The following SCLT1 variants were observed in gnomAD, a reference collection of about 807,000 sequenced individuals.
The protein encoded by SCLT1 is sodium channel-associated protein 1.
In SCLT1, 78 loss-of-function variants were observed where a neutral mutation model predicts 112.8. The observed-to-expected ratio is 0.69, with a 90% CI of 0.58 to 0.83. The LOEUF (loss-of-function observed/expected upper bound fraction) is 0.83. SCLT1 is among the 40% of genes least tolerant of loss of function. The pLI is 0.00. For synonymous variants in SCLT1, 257 were observed against 254.7 expected (o/e 1.01, Z -0.09); for missense variants, 747 against 770.4 (o/e 0.97, Z 0.36).
chr4:128,939,639 C>T (rs6835359), intron 17 of SCLT1, among the ~76,000 whole-genome samples: 37,965 of 151,862 alleles, frequency 0.25, 5,453 homozygotes, highest in East Asian at 0.33. Context: ...GGTAATGAGG[C>T]GGAATTTAGA....
At chr4:129,050,595 A>T (rs1000856791) in intron 2 of SCLT1, among the ~76,000 whole-genome samples, 2 of 151,816 alleles carry the variant, frequency 1.3e-5, no homozygotes, top group African/African-American at 2.4e-5. Flanking sequence ...TTTTCTTGTA[A>T]ATTTGTTTAA....
At chr4:128,974,067 C>T (rs1740939956) in intron 9 of SCLT1, among the ~76,000 whole-genome samples, 2 of 151,982 alleles carry the variant, frequency 1.3e-5, no homozygotes, top group Admixed American at 6.6e-5. Context: ...AATAATTTTC[C>T]CATATAGCTC....
chr4:128,961,049 T>A (rs1456696547), intron 11 of SCLT1, among the ~76,000 whole-genome samples: 1 of 152,068 alleles, frequency 6.6e-6, no homozygotes, highest in Non-Finnish European at 1.5e-5. Flanking sequence ...ATTGACTCTA[T>A]TTAGGGAATC....
At chr4:128,990,579 G>A (rs1220609793) in intron 9 of SCLT1, among the ~76,000 whole-genome samples, 1 of 151,752 alleles carries the variant, frequency 6.6e-6, no homozygotes, top group African/African-American at 2.4e-5. Context: ...CACAGTATGA[G>A]GAGTCCTAGC....
At chr4:128,972,718 C>A (rs72922051) in intron 9 of SCLT1, among the ~76,000 whole-genome samples, 1,555 of 152,268 alleles carry the variant, frequency 0.01, 16 homozygotes, top group African/African-American at 0.028. Context: ...TTTGGCCCAA[C>A]CTTTAGCTTC....
At chr4:129,050,122 C>G (rs924190208) in intron 2 of SCLT1, among the ~76,000 whole-genome samples, 1 of 152,188 alleles carries the variant, frequency 6.6e-6, no homozygotes, top group Admixed American at 6.5e-5. Context: ...GCCCCATTTT[C>G]TTTATCCAGT....
chr4:128,966,289 A>G (rs1395874306), intron 10 of SCLT1, among the ~76,000 whole-genome samples: 1 of 151,998 alleles, frequency 6.6e-6, no homozygotes, highest in Non-Finnish European at 1.5e-5. Flanking sequence ...TAATTCCTCT[A>G]TTGCTTTTAG....
In SCLT1 at chr4:129,091,007, C is replaced by A. The variant is rs191436797; in HGVS notation, c.34+2063G>T. 1.5e-4 allele frequency among the ~76,000 whole-genome samples: 23 copies of A among 152,234 alleles called. 1 individual carries two copies. In the East Asian group the frequency reaches 4.4e-3, roughly 29 times the overall value. ...CCAAAACAAATGGTCTTGACCTGGG[C>A]TCCCAAATCCAAACGGAACAAAGAG... On this transcript the variant is annotated intron_variant, in intron 1 of 20. Coordinates refer to ENST00000281142, the MANE Select transcript of SCLT1 (RefSeq NM_144643.4).
At chr4:129,029,820 T>C (rs967730837) in intron 5 of SCLT1, among the ~76,000 whole-genome samples, 4 of 152,056 alleles carry the variant, frequency 2.6e-5, no homozygotes, top group African/African-American at 7.2e-5. Flanking sequence ...TAAAACAAGT[T>C]CTTACAGACC....
rs868454037 is a variant in SCLT1, at chr4:129,063,921, G to A, written c.102+18385C>T. Among the ~76,000 whole-genome samples the A allele has an allele frequency of 2.0e-5, 3 of 152,192 alleles. No homozygotes were observed. In the South Asian group the frequency reaches 6.2e-4, roughly 32 times the overall value. ...CCCTCTGTGGGAAGAATCACAGGTTGAGGGAATCTCTCTTGGAACCGAGCT... is the reference window on the plus strand; with the variant it reads ...CCCTCTGTGGGAAGAATCACAGGTTAAGGGAATCTCTCTTGGAACCGAGCT... On this transcript the variant is annotated intron_variant, in intron 2 of 20. Transcript: ENST00000281142.
In SCLT1 at chr4:128,874,595, C is replaced by T. The variant is rs947693874; in HGVS notation, n.356-129G>A. 27 of 152,502 alleles carry T rather than the reference C, an allele frequency of 1.8e-4. 2 individuals are homozygous for T. Among genetic ancestry groups the T allele is most frequent in the Admixed American group, 1.8e-3 (27 of 15,260 alleles). 9.4% of individuals were successfully genotyped at this position (152,502 alleles called of 1,614,324 possible). On this transcript the variant is annotated intron_variant and non_coding_transcript_variant, in intron 4 of 7. Transcript: ENST00000503565. ...CTTCGAAATGCAAATGGATAGAGCACGGTTTCTCTGACAGTATAATGATAG... is the reference window on the plus strand; with the variant it reads ...CTTCGAAATGCAAATGGATAGAGCATGGTTTCTCTGACAGTATAATGATAG...
intron 2 of SCLT1, among the ~76,000 whole-genome samples, chr4:129,069,882 C>T (rs979865297): frequency 1.3e-5 from 2 of 152,102 alleles, no homozygotes; most frequent in African/African-American, 4.8e-5. Flanking sequence ...TATTAGTTGG[C>T]TGTGGGTTTG....
downstream of SCLT1, among the ~76,000 whole-genome samples, chr4:128,879,853 T>C (rs1454796653): frequency 1.3e-5 from 2 of 152,248 alleles, no homozygotes; most frequent in Non-Finnish European, 2.9e-5. Context: ...TCTTCCTAGA[T>C]GTAAATATTA....
chr4:128,957,091 T>C lies in SCLT1; in HGVS notation c.1081A>G (p.Ile361Val), dbSNP rs775762765. The C allele has an allele frequency of 5.0e-6, 8 of 1,601,626 alleles. No homozygotes were observed. In the South Asian group the frequency reaches 6.7e-5, roughly 13 times the overall value. ...GAAACTGTCTCTTTCATTTTCTCTA[T>C]GTCTTCTTCTTTTTGCTTCTCCTCA... ...LLEEKQKEED[I>V]EKMKETVSRF... The change falls in exon 13 of 21, where the codon ATA becomes GTA. Residue 361 changes from isoleucine to valine, a missense_variant. This residue lies in a region of SCLT1 where 723 missense variants were observed against 721.3 expected (regional missense o/e 1.00). Transcript: ENST00000281142.
chr4:129,081,824 A>G (rs1751966031), intron 2 of SCLT1, among the ~76,000 whole-genome samples: 1 of 152,228 alleles, frequency 6.6e-6, no homozygotes, highest in Admixed American at 6.5e-5. Flanking sequence ...CTAATCTACG[A>G]GCCATTACCT....
Position 128,962,929 on chromosome 4 carries a change from T to A in SCLT1, c.869+2298A>T, listed in dbSNP as rs146939938. 1.6e-3 allele frequency among the ~76,000 whole-genome samples: 249 copies of A among 152,308 alleles called. 2 individuals are homozygous for A. Among genetic ancestry groups the A allele is most frequent in the East Asian group, 0.014 (71 of 5,186 alleles). On this transcript the variant is annotated intron_variant, in intron 11 of 20. Transcript: ENST00000281142. ...TTTCTCAAGCTCTCATATACATATATCCTATGGTAACTTAGCTTTTAAAAT... is the reference window on the plus strand; with the variant it reads ...TTTCTCAAGCTCTCATATACATATAACCTATGGTAACTTAGCTTTTAAAAT...
Position 128,925,499 on chromosome 4 carries a change from T to C in SCLT1, c.1829+11156A>G, listed in dbSNP as rs181354170. 1.7e-3 allele frequency among the ~76,000 whole-genome samples: 263 copies of C among 152,188 alleles called. 3 individuals are homozygous for C. The highest frequency in any genetic ancestry group is 6.2e-3 in the African/African-American group (257 of 41,486). ...CCACCACTCCTGGCTAATTTTTGTA[T>C]TTTTAGCAGAGATGGGGTTTCACCA... is the stretch of plus-strand genomic sequence containing the variant. On this transcript the variant is annotated intron_variant, in intron 18 of 20. Coordinates refer to ENST00000281142, the MANE Select transcript of SCLT1 (RefSeq NM_144643.4).
At chr4:129,050,150 T>G (rs550784402) in intron 2 of SCLT1, among the ~76,000 whole-genome samples, 3 of 152,198 alleles carry the variant, frequency 2.0e-5, no homozygotes, top group Non-Finnish European at 4.4e-5. Context: ...TGATAGGCAT[T>G]TGGGTTGGTT....
Position 128,884,231 on chromosome 4 carries a change from T to G in SCLT1, c.*246A>C. 1 of 345,656 alleles carries G rather than the reference T, an allele frequency of 2.9e-6. No homozygotes were observed. The highest frequency in any genetic ancestry group is 5.2e-6 in the Non-Finnish European group (1 of 193,496). The allele number at this position is 345,656 out of a possible 1,614,324, so 21.4% of individuals were successfully genotyped here. On this transcript the variant is annotated 3_prime_UTR_variant, in exon 21 of 21. Transcript: ENST00000281142. ...AGGAATTAAAAAACAGACACATTGATGAAGGCAATGAGTTCTTCTCAGCTG... is the reference window on the plus strand; with the variant it reads ...AGGAATTAAAAAACAGACACATTGAGGAAGGCAATGAGTTCTTCTCAGCTG...
Sources: allele counts gnomAD v4.1 joint callset (sites outside exome capture counted in the v4.1 genomes callset), GRCh38; gene constraint gnomAD v4.1.1; regional missense constraint gnomAD v4.1.1; transcripts MANE v1.5; gene names NCBI Gene and HGNC (gene_info 2026-07-23, HGNC 2026-07-21).